CYP2A6: variants seen among roughly 807,000 people sequenced by gnomAD.
The protein encoded by CYP2A6 is cytochrome P450 family 2 subfamily A member 6.
CYP2A6 carries 27 observed loss-of-function variants against 42.3 expected under a neutral mutation model. That is an observed-to-expected ratio of 0.64 (90% CI 0.47 to 0.88). The LOEUF (loss-of-function observed/expected upper bound fraction) is 0.88. CYP2A6 is among the 40% of genes least tolerant of loss of function. CYP2A6 has a pLI of 0.00. For synonymous variants in CYP2A6, 238 were observed against 246.3 expected, an observed-to-expected ratio of 0.97 and a Z score of 0.31; for missense variants, 628 against 646.0, an observed-to-expected ratio of 0.97 and a Z score of 0.30.
In CYP2A6 at chr19:40,845,319, T is replaced by G. The variant is rs1257356662; in HGVS notation, c.1136A>C (p.Lys379Thr). 3.1e-6 allele frequency: 5 copies of G among 1,611,480 alleles called. No individual in the cohort carries two copies. ...SLARRVKKDT[K>T]FRDFFLPKGT... ...CTTAGGGAGGAAGAAATCCCGAAAC[T>G]TGGTGTCCTTTTTGACTCTGCGGGC... Residue 379 changes from lysine (K) to threonine (T), a missense_variant, in exon 7 of 9, where the codon AAG (lysine) becomes ACG (threonine). Physicochemically the swap from Lys to Thr is moderately conservative, Grantham distance 78 (BLOSUM62 -1). Transcript: ENST00000301141.
At chr19:40,847,690 G>A (rs913124060) in intron 4 of CYP2A6, among the ~76,000 whole-genome samples, 1 of 151,558 alleles carries the variant, frequency 6.6e-6, no homozygotes, top group Non-Finnish European at 1.5e-5. Flanking sequence ...TTAAGGTGTT[G>A]GTTAGGGCAG....
chr19:40,844,947 A>T, intron 7 of CYP2A6, 175 bp from the exon 8 acceptor site: 1 of 865,934 alleles, frequency 1.2e-6, no homozygotes, highest in Non-Finnish European at 1.7e-6. Flanking sequence ...TCTCTGAAAC[A>T]GGAAGTTTGG....
rs1434288367 is a variant in CYP2A6, at chr19:40,849,034, GA to G, written c.344-272del. On this transcript the variant is annotated intron_variant, in intron 2 of 8. Transcript: ENST00000301141. ...AGAAGAGAGAGAGGAGAGAGAGAGA[GA>G]AGAGAGAGAGGAGAGAGAGAGAGAG... Among the ~76,000 whole-genome samples, 89 of 25,656 alleles carry G rather than the reference GA, an allele frequency of 3.5e-3. 3 individuals carry two copies. Among genetic ancestry groups the G allele is most frequent in the South Asian group, 7.5e-3 (5 of 670 alleles). 16.8% of individuals were successfully genotyped at this position (25,656 alleles called of 152,430 possible).
chr19:40,848,974 GAGA>G (rs1299871306), intron 2 of CYP2A6, among the ~76,000 whole-genome samples: 28 of 104,994 alleles, frequency 2.7e-4, no homozygotes, highest in African/African-American at 8.3e-4. Flanking sequence ...GAGAGAGAGA[GAGA>G]AGAGAGAGAG....
chr19:40,845,131 G>C (rs777632628), intron 7 of CYP2A6, 163 bp downstream of exon 7: 5 of 830,640 alleles, frequency 6.0e-6, no homozygotes, highest in Non-Finnish European at 7.7e-6. Context: ...ACTCAGGAGT[G>C]TCTAAGTGGA....
Position 40,849,860 on chromosome 19 carries a change from G to C in CYP2A6, c.301C>G (p.Arg101Gly), listed in dbSNP as rs199545200. ...CAGTCGAAGGTGGCTTGCTCGCCTC[G>C]CCCGCTGAACTCCTCAGCCTGGTCC... is the stretch of plus-strand genomic sequence containing the variant. ...LVDQAEEFSG[R>G]GEQATFDWVF... Residue 101 changes from arginine to glycine, a missense_variant, in exon 2 of 9, where the codon CGA becomes GGA. Physicochemically the swap from Arg to Gly is moderately radical, Grantham distance 125. Transcript: ENST00000301141. 1 of 1,610,482 alleles carries C rather than the reference G, an allele frequency of 6.2e-7. No homozygotes were observed. The highest frequency in any genetic ancestry group is 1.3e-5 in the African/African-American group (1 of 74,414).
chr19:40,846,780 A>C lies in CYP2A6; in HGVS notation c.831+95T>G, dbSNP rs1037496580. 1.8e-4 allele frequency: 274 copies of C among 1,518,550 alleles called. 1 individual carries two copies. Among genetic ancestry groups the C allele is most frequent in the Non-Finnish European group, 2.3e-4 (254 of 1,126,820 alleles). The allele number at this position is 1,518,550 out of a possible 1,614,324, so 94.1% of individuals were successfully genotyped here. A position where few individuals can be genotyped will look rare whatever the true frequency, so the allele number is the denominator to read the frequency against. Reference sequence around the variant, plus strand: ...GTGAGGATTATTATGATGAGGGTTAATTTGAATGGGCCTGTGTCATCTGCC... The same window carrying C: ...GTGAGGATTATTATGATGAGGGTTACTTTGAATGGGCCTGTGTCATCTGCC... On this transcript the variant is annotated intron_variant, in intron 5 of 8. Coordinates refer to ENST00000301141, the MANE Select transcript of CYP2A6 (RefSeq NM_000762.6).
Position 40,845,600 on chromosome 19 carries a change from T to C in CYP2A6, c.974-119A>G. The C allele has an allele frequency of 1.2e-5, 18 of 1,473,322 alleles. 1 individual carries two copies. The South Asian group carries it at 2.4e-4, about 19-fold the overall frequency. 91.3% of individuals were successfully genotyped at this position (1,473,322 alleles called of 1,614,324 possible). On this transcript the variant is annotated intron_variant, in intron 6 of 8. Coordinates refer to ENST00000301141, the MANE Select transcript of CYP2A6 (RefSeq NM_000762.6). Reference sequence around the variant, plus strand: ...CCGCCTATGAGACGGAAGTAGAGCATTCATAACAGAACAGACATCAGCCAT... The same window carrying C: ...CCGCCTATGAGACGGAAGTAGAGCACTCATAACAGAACAGACATCAGCCAT...
At chr19:40,844,837 G>A (rs2083447660) in intron 7 of CYP2A6, 65 bp from the exon 8 acceptor site, 3 of 1,554,298 alleles carry the variant, frequency 1.9e-6, no homozygotes, top group Non-Finnish European at 2.6e-6. Flanking sequence ...GTACACAGGG[G>A]CTGGAGGGGG....
At chr19:40,849,708 T>C (rs189326843) in intron 2 of CYP2A6, 110 bp downstream of exon 2, 68 of 1,554,706 alleles carry the variant, frequency 4.4e-5, no homozygotes, top group South Asian at 1.4e-4. Context: ...AAGACCAGAC[T>C]GGGGACTCTG....
rs767041292 is a variant in CYP2A6, at chr19:40,848,329, T to G, written c.544A>C (p.Ile182Leu). 1.9e-6 allele frequency: 3 copies of G among 1,611,916 alleles called. No individual in the cohort carries two copies. The highest frequency in any genetic ancestry group is 2.5e-6 in the Non-Finnish European group (3 of 1,179,946). The change falls in exon 4 of 9, where the codon ATC becomes CTC. Residue 182 changes from isoleucine (I) to leucine (L), a missense_variant. Physicochemically the swap from Ile to Leu is conservative, Grantham distance 5 (BLOSUM62 2). Transcript: ENST00000301141. ...FFLSRTVSNVISSIVFGDRFD... is the reference protein window; with the variant it reads ...FFLSRTVSNVLSSIVFGDRFD... ...CGGTCCCCAAAGACAATGGAGCTGATGACATTGGAGACTGTGCGGCTCAGG... is the reference window on the plus strand; with the variant it reads ...CGGTCCCCAAAGACAATGGAGCTGAGGACATTGGAGACTGTGCGGCTCAGG...
intron 5 of CYP2A6, among the ~76,000 whole-genome samples, 178 bp from the exon 6 acceptor site, chr19:40,846,275 A>G (rs1483218495): frequency 6.6e-6 from 1 of 150,708 alleles, no homozygotes; most frequent in Non-Finnish European, 1.5e-5. Flanking sequence ...TTTGCCCAAA[A>G]TGCTCTTCCT....
intron 5 of CYP2A6, among the ~76,000 whole-genome samples, chr19:40,846,537 G>A (rs1182315377): frequency 6.6e-6 from 1 of 151,120 alleles, no homozygotes; most frequent in African/African-American, 2.4e-5. Flanking sequence ...GCCTCATTCT[G>A]TCACCCAGAC....
chr19:40,847,949 C>T (rs1198241702), intron 4 of CYP2A6, among the ~76,000 whole-genome samples: 2 of 151,760 alleles, frequency 1.3e-5, no homozygotes, highest in East Asian at 4.0e-4. Flanking sequence ...GAACACGTGC[C>T]CAGGTGAGAG....
Position 40,846,066 on chromosome 19 carries a change from A to C in CYP2A6, c.863T>G (p.Leu288Trp). The C allele has an allele frequency of 6.2e-7, 1 of 1,611,508 alleles. No homozygotes were observed. The highest frequency in any genetic ancestry group is 8.5e-7 in the Non-Finnish European group (1 of 1,179,830). ...EEKNPNTEFY[L>W]KNLVMTTLNL... ...CAACGTGGTCATCACCAGGTTTTTC[A>C]AGTAGAACTCCGTGTTGGGGTTCTT... The change falls in exon 6 of 9, where the codon TTG (leucine) becomes TGG (tryptophan). Residue 288 changes from leucine to tryptophan, a missense_variant. Physicochemically the swap from Leu to Trp is moderately conservative, Grantham distance 61. This residue lies in a region of CYP2A6 where 606 missense variants were observed against 568.1 expected (regional missense o/e 1.07). Coordinates refer to ENST00000301141, the MANE Select transcript of CYP2A6 (RefSeq NM_000762.6).
Position 40,849,973 on chromosome 19 carries a change from T to C in CYP2A6, c.188A>G (p.Glu63Gly), listed in dbSNP as rs1242615648. Residue 63 changes from glutamate to glycine, a missense_variant, in exon 2 of 9, where the codon GAG (glutamate) becomes GGG (glycine). By Grantham distance (98) the Glu-to-Gly change is moderately conservative. Transcript: ENST00000301141. Reference protein sequence around the residue: ...QMYNSLMKISERYGPVFTIHL... With the variant: ...QMYNSLMKISGRYGPVFTIHL... The stretch of plus-strand genomic sequence containing the variant: ...AATGGTGAACACGGGGCCATAGCGC[T>C]CACTGATCTGATGGAGGTGGGTGGG... 6.2e-7 allele frequency: 1 copy of C among 1,610,690 alleles called. No individual in the cohort carries two copies. The highest frequency in any genetic ancestry group is 1.7e-5 in the Admixed American group (1 of 59,896).
rs1198167320 is a variant in CYP2A6 at position 40,848,285 on chromosome 19, T to C, written c.588A>G (p.Lys196=). Residue 196 remains lysine, a synonymous_variant, in exon 4 of 9, where the codon AAA becomes AAG. Coordinates refer to ENST00000301141, the MANE Select transcript of CYP2A6 (RefSeq NM_000762.6). ...TCATGCGCAACAGTGACAGGAACTCTTTGTCCTTATAGTCAAAGCGGTCCC... is the reference window on the plus strand; with the variant it reads ...TCATGCGCAACAGTGACAGGAACTCCTTGTCCTTATAGTCAAAGCGGTCCC... ...VFGDRFDYKD[K]EFLSLLRMML... The C allele has an allele frequency of 1.2e-6, 2 of 1,609,898 alleles. No individual in the cohort carries two copies. Among genetic ancestry groups the C allele is most frequent in the African/African-American group, 1.4e-5 (1 of 72,876 alleles).
chr19:40,848,465 G>C, intron 3 of CYP2A6, 86 bp from the exon 4 acceptor site: 1 of 1,591,854 alleles, frequency 6.3e-7, no homozygotes, highest in Non-Finnish European at 8.6e-7. Context: ...GCAGGGCCTT[G>C]TTGAGCCAAA....
rs369561609 is a variant in CYP2A6, at chr19:40,850,233, C to G, written c.180+14G>C. ...CCCCCACCCCGTGCCACCCATCTCC[C>G]TGCCTTGGGACACCTTCATGAGGGA... On this transcript the variant is annotated intron_variant, in intron 1 of 8. Coordinates refer to ENST00000301141, the MANE Select transcript of CYP2A6 (RefSeq NM_000762.6). 8.6e-4 allele frequency: 1,383 copies of G among 1,602,786 alleles called. 50 individuals are homozygous for G. Among genetic ancestry groups the G allele is most frequent in the Non-Finnish European group, 1.7e-4 (196 of 1,174,124 alleles).
Sources: allele counts gnomAD v4.1 joint callset (sites outside exome capture counted in the v4.1 genomes callset), GRCh38; gene constraint gnomAD v4.1.1; regional missense constraint gnomAD v4.1.1; transcripts MANE v1.5; gene names NCBI Gene and HGNC (gene_info 2026-07-23, HGNC 2026-07-21).